The following IQCH variants were observed in gnomAD, a reference collection of about 807,000 sequenced individuals.
The protein encoded by IQCH is IQ domain-containing protein H.
In IQCH, 98 loss-of-function variants were observed where a neutral mutation model predicts 117.0. That is an observed-to-expected ratio of 0.84 (90% CI 0.71 to 0.99). IQCH has a LOEUF of 0.99. Ranked by LOEUF, IQCH falls within the 50% of genes least tolerant of loss-of-function variation. The pLI, the probability that IQCH is intolerant of heterozygous loss-of-function variation, is 0.00. For synonymous variants in IQCH, 412 were observed against 448.2 expected (o/e 0.92, Z 1.02); for missense variants, 1,102 against 1,243.8 (o/e 0.89, Z 1.72).
At chr15:67,321,871 A>T (rs1417252729) in intron 4 of IQCH, among the ~76,000 whole-genome samples, 1 of 152,216 alleles carries the variant, frequency 6.6e-6, no homozygotes, top group African/African-American at 2.4e-5. Flanking sequence ...ATTGAAACTT[A>T]TTTTATGGCC....
intron 4 of IQCH, chr15:67,304,470 G>A (rs1217226717): frequency 1.1e-5 from 14 of 1,262,072 alleles, no homozygotes; most frequent in Non-Finnish European, 2.2e-6. Flanking sequence ...GTAATGAGTT[G>A]TTTTAATGAG....
chr15:67,455,973 A>G (rs1049713985), intron 16 of IQCH, among the ~76,000 whole-genome samples: 4 of 152,246 alleles, frequency 2.6e-5, no homozygotes, highest in African/African-American at 9.6e-5. Flanking sequence ...CCAAAAATTC[A>G]TAAGAAAAAA....
Position 67,411,284 on chromosome 15 carries a change from G to A in IQCH, c.2098-5647G>A, listed in dbSNP as rs1291075984. Among the ~76,000 whole-genome samples the A allele has an allele frequency of 6.6e-6, 1 of 152,028 alleles. No individual in the cohort carries two copies. The highest frequency in any genetic ancestry group is 1.5e-5 in the Non-Finnish European group (1 of 68,010). ...GGGCCGGTGGGGAGCACTTACCCAG[G>A]AGTCAGAGGCAGCCAGAGAGCACCT... On this transcript the variant is annotated intron_variant, in intron 14 of 20. Coordinates refer to ENST00000335894, the MANE Select transcript of IQCH (RefSeq NM_001031715.3). The surrounding 1 kb of genome is among the most constrained non-coding windows in gnomAD (Gnocchi z 4.4).
intron 4 of IQCH, among the ~76,000 whole-genome samples, chr15:67,322,984 G>A (rs537280585): frequency 1.8e-4 from 28 of 152,278 alleles, no homozygotes; most frequent in African/African-American, 6.5e-4. Context: ...TGTAAAATAG[G>A]TGAACAGTGG....
chr15:67,474,062 A>G lies in IQCH; in HGVS notation c.2677-1634A>G, dbSNP rs1013967722. On this transcript the variant is annotated intron_variant, in intron 17 of 20. Transcript: ENST00000335894. This position sits in a 1 kb window ranked among gnomAD's most constrained non-coding sequence, Gnocchi z 4.1. ...AGCATGTCACCAAAAGTGCCACGAA[A>G]TCTGAGTGTGTGTGTGTGTGTGTGT... Among the ~76,000 whole-genome samples, 1 of 111,668 alleles carries G rather than the reference A, an allele frequency of 9.0e-6. No individual in the cohort carries two copies. The highest frequency in any genetic ancestry group is 1.9e-5 in the Non-Finnish European group (1 of 53,548). 73.3% of individuals were successfully genotyped at this position (111,668 alleles called of 152,430 possible).
At position 67,422,412 on chromosome 15, in the gene IQCH, C is replaced by T. The variant is rs530291463; in HGVS notation, c.2505+835C>T. Among the ~76,000 whole-genome samples, 1 of 152,058 alleles carries T rather than the reference C, an allele frequency of 6.6e-6. No individual in the cohort carries two copies. Among genetic ancestry groups the T allele is most frequent in the African/African-American group, 2.4e-5 (1 of 41,458 alleles). The stretch of plus-strand genomic sequence containing the variant: ...TAATAATATAATCAATATCATGTGC[C>T]CCTGCCCAGCTTAAGAAACAAAGTG... On this transcript the variant is annotated intron_variant, in intron 16 of 20. Coordinates refer to ENST00000335894, the MANE Select transcript of IQCH (RefSeq NM_001031715.3). This position sits in a 1 kb window ranked among gnomAD's most constrained non-coding sequence, Gnocchi z 4.7.
rs1971930340 is a variant in IQCH at position 67,406,903 on chromosome 15, G to A, written c.2097+6598G>A. On this transcript the variant is annotated intron_variant, in intron 14 of 20. Coordinates refer to ENST00000335894, the MANE Select transcript of IQCH (RefSeq NM_001031715.3). This position sits in a 1 kb window ranked among gnomAD's most constrained non-coding sequence, Gnocchi z 4.5. ...AGCACATAATAAGACTTTAAGAAAT[G>A]CTACCTATTATTATTGTTGTTATTA... 6.6e-6 allele frequency: 1 copy of A among 152,164 alleles called. No homozygotes were observed. Among genetic ancestry groups the A allele is most frequent in the South Asian group, 2.1e-4 (1 of 4,820 alleles). 9.4% of individuals were successfully genotyped at this position (152,164 alleles called of 1,614,324 possible).
At chr15:67,323,523 T>G (rs893823422) in intron 4 of IQCH, among the ~76,000 whole-genome samples, 1 of 152,182 alleles carries the variant, frequency 6.6e-6, no homozygotes, top group Non-Finnish European at 1.5e-5. Flanking sequence ...ATTACAGGTG[T>G]GAGCCACCGT....
chr15:67,474,067 A>AGTGTGTGTGTGTGTGT lies in IQCH; in HGVS notation c.2677-1607_2677-1592dup, dbSNP rs36050088. On this transcript the variant is annotated intron_variant, in intron 17 of 20. Coordinates refer to ENST00000335894, the MANE Select transcript of IQCH (RefSeq NM_001031715.3). This position sits in a 1 kb window ranked among gnomAD's most constrained non-coding sequence, Gnocchi z 4.1. ...GTCACCAAAAGTGCCACGAAATCTG[A>AGTGTGTGTGTGTGTGT]GTGTGTGTGTGTGTGTGTGTGTGTG... is the stretch of plus-strand genomic sequence containing the variant. 9.0e-4 allele frequency among the ~76,000 whole-genome samples: 125 copies of AGTGTGTGTGTGTGTGT among 138,312 alleles called. 1 individual carries two copies. Among genetic ancestry groups the AGTGTGTGTGTGTGTGT allele is most frequent in the African/African-American group, 1.9e-3 (69 of 37,074 alleles). The allele number at this position is 138,312 out of a possible 152,430, so 90.7% of individuals were successfully genotyped here.
At position 67,430,537 on chromosome 15, in the gene IQCH, G is replaced by T. The variant is rs2081997772; in HGVS notation, c.2505+8960G>T. The T allele has an allele frequency of 6.6e-6, 1 of 152,032 alleles. No homozygotes were observed. Among genetic ancestry groups the T allele is most frequent in the Non-Finnish European group, 1.5e-5 (1 of 68,006 alleles). 9.4% of individuals were successfully genotyped at this position (152,032 alleles called of 1,614,324 possible). On this transcript the variant is annotated intron_variant, in intron 16 of 20. Transcript: ENST00000335894. The surrounding 1 kb of genome is among the most constrained non-coding windows in gnomAD (Gnocchi z 5.1). ...ATAGGTATAAATATTGCCTCCATGAGATTTTTTTAATCCTTTAGAAAATGT... is the reference window on the plus strand; with the variant it reads ...ATAGGTATAAATATTGCCTCCATGATATTTTTTTAATCCTTTAGAAAATGT...
In IQCH at chr15:67,417,060, G is replaced by A. The variant is rs779276813; in HGVS notation, c.2218+9G>A. 1.3e-5 allele frequency: 20 copies of A among 1,595,958 alleles called. No individual in the cohort carries two copies. Among genetic ancestry groups the A allele is most frequent in the South Asian group, 2.3e-5 (2 of 87,356 alleles). ...AACATTTCTCAGTCAAGGTAAATAA[G>A]ACTGTAAAGTTTCTATTGAGGATTA... On this transcript the variant is annotated intron_variant, in intron 15 of 20. Coordinates refer to ENST00000335894, the MANE Select transcript of IQCH (RefSeq NM_001031715.3). This position sits in a 1 kb window ranked among gnomAD's most constrained non-coding sequence, Gnocchi z 4.3.
In IQCH at chr15:67,356,807, A is replaced by G. The variant is rs1017514758; in HGVS notation, c.638-538A>G. Among the ~76,000 whole-genome samples the G allele has an allele frequency of 2.0e-5, 3 of 152,178 alleles. No homozygotes were observed. The East Asian group carries it at 5.8e-4, about 29-fold the overall frequency. ...CATGTGGGCCCATTCTTCCTCGACCATGGGCTAGGTGTGTTCTCTAAAAGT... is the reference window on the plus strand; with the variant it reads ...CATGTGGGCCCATTCTTCCTCGACCGTGGGCTAGGTGTGTTCTCTAAAAGT... On this transcript the variant is annotated intron_variant, in intron 6 of 20. Transcript: ENST00000335894. The surrounding 1 kb of genome is among the most constrained non-coding windows in gnomAD (Gnocchi z 5.3).
intron 3 of IQCH, among the ~76,000 whole-genome samples, chr15:67,265,234 CAG>C (rs2051192389): frequency 1.3e-5 from 2 of 152,196 alleles, no homozygotes; most frequent in Admixed American, 6.5e-5. Flanking sequence ...GAGAACAAAA[CAG>C]AAAGTATCTG....
At chr15:67,389,048 A>ATT in intron 12 of IQCH, 42 bp downstream of exon 12, 4 of 1,518,010 alleles carry the variant, frequency 2.6e-6, no homozygotes, top group Non-Finnish European at 3.6e-6. Context: ...GGGATGCAGT[A>ATT]AAATTAAATT....
At chr15:67,462,409 C>T (rs1028431652) in intron 16 of IQCH, among the ~76,000 whole-genome samples, 1 of 145,518 alleles carries the variant, frequency 6.9e-6, no homozygotes, top group Admixed American at 6.9e-5. Flanking sequence ...GCCTGGGCGA[C>T]AGAGTGAGAC....
chr15:67,340,525 G>A (rs1969123125), intron 5 of IQCH, among the ~76,000 whole-genome samples: 1 of 147,400 alleles, frequency 6.8e-6, no homozygotes, highest in Admixed American at 6.9e-5. Context: ...TCTAGGCAAG[G>A]CCTTGGTTGA....
At chr15:67,345,413 A>G (rs951134400) in intron 6 of IQCH, among the ~76,000 whole-genome samples, 8 of 152,254 alleles carry the variant, frequency 5.3e-5, no homozygotes, top group Non-Finnish European at 4.4e-5. Context: ...CGGAAAGAAG[A>G]AAAACAGAAA....
intron 4 of IQCH, among the ~76,000 whole-genome samples, chr15:67,311,455 A>AT (rs1187776733): frequency 1.3e-5 from 2 of 151,290 alleles, no homozygotes; most frequent in Non-Finnish European, 3.0e-5. Flanking sequence ...GACTGCAGTT[A>AT]TTTATAACTC....
intron 4 of IQCH, among the ~76,000 whole-genome samples, chr15:67,310,239 A>G (rs570545787): frequency 1.6e-4 from 24 of 152,124 alleles, no homozygotes; most frequent in Non-Finnish European, 2.8e-4. Flanking sequence ...ACATATTTCA[A>G]TTGATGCCAA....
Sources: gnomAD v4.1 joint callset for allele counts (sites outside exome capture counted in the v4.1 genomes callset) on GRCh38, gnomAD v4.1.1 for gene constraint, Gnocchi (gnomAD v3.1) non-coding constraint, MANE v1.5 for transcripts, NCBI Gene and HGNC (gene_info 2026-07-23, HGNC 2026-07-21) for gene names.